NR4A3: variants seen among roughly 807,000 people sequenced by gnomAD.
NR4A3 encodes the protein nuclear receptor subfamily 4 group A member 3.
A neutral mutation model predicts 55.6 loss-of-function variants in NR4A3; 13 were observed. The observed-to-expected ratio is 0.23, with a 90% CI of 0.15 to 0.37. The LOEUF is 0.37. NR4A3 is among the 10% of genes least tolerant of loss of function. The probability of loss-of-function intolerance (pLI) is 1.00; values close to 1 mark genes in which losing one functional copy is unlikely to be tolerated. For synonymous variants in NR4A3, 342 were observed against 357.9 expected, an observed-to-expected ratio of 0.96 and a Z score of 0.50; for missense variants, 646 against 822.8, an observed-to-expected ratio of 0.79 and a Z score of 2.63.
At chr9:99,824,927 C>T (rs889086936) in intron 1 of NR4A3, among the ~76,000 whole-genome samples, 2 of 152,240 alleles carry the variant, frequency 1.3e-5, no homozygotes, top group Non-Finnish European at 2.9e-5. Flanking sequence ...CCCTCGAAGA[C>T]ACCGCCCTCT....
intron 7 of NR4A3, among the ~76,000 whole-genome samples, chr9:99,862,549 CAAAAAAAAAAAAAAAAAAA>C (rs59274273): frequency 3.0e-4 from 22 of 72,810 alleles, no homozygotes; most frequent in Admixed American, 2.7e-3. Flanking sequence ...GACTCTGTCT[CAAAAAAAAAAAAAAAAAAA>C]AAAAAAAAAA....
chr9:99,836,484 G>A (rs905949143), intron 5 of NR4A3, among the ~76,000 whole-genome samples: 5 of 152,178 alleles, frequency 3.3e-5, no homozygotes, highest in Non-Finnish European at 7.3e-5. Flanking sequence ...ACTGTTCTTC[G>A]TGAATTGAGT....
intron 7 of NR4A3, among the ~76,000 whole-genome samples, chr9:99,860,791 T>TA (rs1827997079): frequency 2.0e-5 from 3 of 152,244 alleles, no homozygotes; most frequent in African/African-American, 4.8e-5. Context: ...ACCTTGTAGT[T>TA]ACCAGCCACT....
intron 7 of NR4A3, 26 bp downstream of exon 7, chr9:99,847,641 ATCC>A: frequency 6.2e-7 from 1 of 1,607,404 alleles, no homozygotes. Context: ...CCAAAACCGC[ATCC>A]TCATTTCTCT....
rs1397460033 is a variant in NR4A3, at chr9:99,836,372, G to A, written c.1254+2918G>A. ...CACTCAAAATGAACCAACAAAGAAC[G>A]TGTGTGGTAGAAGGGAGGGATGCCA... On this transcript the variant is annotated intron_variant, in intron 5 of 7. Transcript: ENST00000395097. Among the ~76,000 whole-genome samples the A allele has an allele frequency of 7.9e-5, 12 of 152,212 alleles. No homozygotes were observed. In the South Asian group the frequency reaches 1.2e-3, roughly 16 times the overall value.
chr9:99,846,894 C>T (rs1010769908), intron 6 of NR4A3, among the ~76,000 whole-genome samples: 1 of 152,192 alleles, frequency 6.6e-6, no homozygotes, highest in Admixed American at 6.5e-5. Context: ...ATGATCCACC[C>T]GCCTTGGCCT....
At chr9:99,858,154 A>G (rs1587888827) in intron 7 of NR4A3, among the ~76,000 whole-genome samples, 1 of 152,346 alleles carries the variant, frequency 6.6e-6, no homozygotes, top group East Asian at 1.9e-4. Flanking sequence ...AAAGGGATAG[A>G]TTAGAATGCC....
At position 99,828,103 on chromosome 9, in the gene NR4A3, A is replaced by C. The variant is rs759537106; in HGVS notation, c.61A>C (p.Thr21Pro). ...SPPGSSYAAQTYSSEYTTEIM... is the reference protein window; with the variant it reads ...SPPGSSYAAQPYSSEYTTEIM... ...TCCAGGTTCCAGTTATGCGGCGCAG[A>C]CATACAGCTCGGAATACACCACGGA... The change falls in exon 3 of 8, where the codon ACA becomes CCA. Residue 21 changes from threonine (T) to proline (P), a missense_variant. Physicochemically the swap from Thr to Pro is conservative, Grantham distance 38. This residue lies in a region of NR4A3 where 426 missense variants were observed against 429.4 expected (regional missense o/e 0.99). Transcript: ENST00000395097. The surrounding 1 kb of genome is among the most constrained non-coding windows in gnomAD (Gnocchi z 7.7). The C allele has an allele frequency of 4.3e-6, 7 of 1,613,978 alleles. No homozygotes were observed. The African/African-American group carries it at 6.7e-5, about 15-fold the overall frequency.
chr9:99,861,869 T>G (rs1828013899), intron 7 of NR4A3, among the ~76,000 whole-genome samples: 2 of 152,164 alleles, frequency 1.3e-5, no homozygotes, highest in South Asian at 4.2e-4. Context: ...GGCAGGAGGA[T>G]CACTTGAGCC....
intron 3 of NR4A3, among the ~76,000 whole-genome samples, chr9:99,830,604 G>A (rs1827419761): frequency 6.6e-6 from 1 of 152,170 alleles, no homozygotes; most frequent in Admixed American, 6.5e-5. Flanking sequence ...GGATTATGAT[G>A]TTTTAAATGC....
chr9:99,839,522 A>G (rs1198521766), intron 5 of NR4A3, among the ~76,000 whole-genome samples: 3 of 152,218 alleles, frequency 2.0e-5, no homozygotes, highest in Non-Finnish European at 4.4e-5. Flanking sequence ...GGCCTGGGCT[A>G]TTGCTGAAGT....
rs1828072805 is a variant in NR4A3 at position 99,865,065 on chromosome 9, T to C, written c.*1198T>C. On this transcript the variant is annotated 3_prime_UTR_variant, in exon 8 of 8. Coordinates refer to ENST00000395097, the MANE Select transcript of NR4A3 (RefSeq NM_006981.4). This position sits in a 1 kb window ranked among gnomAD's most constrained non-coding sequence, Gnocchi z 4.3. ...ACTAGGAAGGATTAGTGGGCTGCGT[T>C]TCAACATTCCGTGTTCGTACTCCCT... The C allele has an allele frequency of 9.8e-6, 2 of 203,296 alleles. No individual in the cohort carries two copies. 12.6% of individuals were successfully genotyped at this position (203,296 alleles called of 1,614,324 possible).
In NR4A3 at chr9:99,828,612, C is replaced by T. The variant is rs776164534; in HGVS notation, c.570C>T (p.Leu190=). The T allele has an allele frequency of 3.3e-6, 5 of 1,528,884 alleles. No homozygotes were observed. The highest frequency in any genetic ancestry group is 3.5e-6 in the Non-Finnish European group (4 of 1,148,498). 94.7% of individuals were successfully genotyped at this position (1,528,884 alleles called of 1,614,324 possible). ...CGGTGGCCGGCGCGCGCTTCCCGCT[C>T]TTCCACTTCAAGCCCTCGCCGCCGC... ...VPTVAGARFP[L]FHFKPSPPHP... The change falls in exon 3 of 8, where the codon CTC becomes CTT. Residue 190 remains leucine, a synonymous_variant. Transcript: ENST00000395097. This position sits in a 1 kb window ranked among gnomAD's most constrained non-coding sequence, Gnocchi z 7.7.
intron 5 of NR4A3, among the ~76,000 whole-genome samples, chr9:99,841,833 G>C (rs146975998): frequency 0.013 from 2,055 of 152,264 alleles, 25 homozygotes; most frequent in Non-Finnish European, 0.019. Flanking sequence ...AGATGGGCGT[G>C]GTGGTTCCTG....
In NR4A3 at chr9:99,864,176, CAG is replaced by C. The variant is rs1828054528; in HGVS notation, c.*310_*311del. On this transcript the variant is annotated 3_prime_UTR_variant, in exon 8 of 8. Coordinates refer to ENST00000395097, the MANE Select transcript of NR4A3 (RefSeq NM_006981.4). ...GCACTTTTGGACAATGCTATCCCAGCAGGAAAAAAAAGGATAATATAACTGTT... is the reference window on the plus strand; with the variant it reads ...GCACTTTTGGACAATGCTATCCCAGCGAAAAAAAAGGATAATATAACTGTT... 1 of 300,188 alleles carries C rather than the reference CAG, an allele frequency of 3.3e-6. No individual in the cohort carries two copies. The highest frequency in any genetic ancestry group is 2.1e-5 in the African/African-American group (1 of 47,138). 18.6% of individuals were successfully genotyped at this position (300,188 alleles called of 1,614,324 possible). A position where few individuals can be genotyped will look rare whatever the true frequency, so the allele number is the denominator to read the frequency against.
chr9:99,838,628 T>G (rs1401895917), intron 5 of NR4A3, among the ~76,000 whole-genome samples: 3 of 152,206 alleles, frequency 2.0e-5, no homozygotes, highest in African/African-American at 7.2e-5. Context: ...ACCATAATAT[T>G]AATAACTGCT....
Position 99,853,321 on chromosome 9 carries a change from CT to C in NR4A3, c.1633+5725del, listed in dbSNP as rs71370971. Among the ~76,000 whole-genome samples the C allele has an allele frequency of 8.5e-3, 1,049 of 123,376 alleles. 10 individuals carry two copies. Among genetic ancestry groups the C allele is most frequent in the South Asian group, 0.02 (77 of 3,766 alleles). The allele number at this position is 123,376 out of a possible 152,430, so 80.9% of individuals were successfully genotyped here. A position where few individuals can be genotyped will look rare whatever the true frequency, so the allele number is the denominator to read the frequency against. On this transcript the variant is annotated intron_variant, in intron 7 of 7. Transcript: ENST00000395097. ...ATATACACATTGTGTTAGGGAATTT[CT>C]TTTTTTTTTTTTTTTTTTATTATAC... is the stretch of plus-strand genomic sequence containing the variant.
chr9:99,836,815 A>G (rs1212771570), intron 5 of NR4A3, among the ~76,000 whole-genome samples: 4 of 152,246 alleles, frequency 2.6e-5, no homozygotes, highest in Non-Finnish European at 5.9e-5. Flanking sequence ...ATACTAATTT[A>G]CATTCCCATC....
intron 7 of NR4A3, among the ~76,000 whole-genome samples, chr9:99,851,359 A>G (rs181875189): frequency 2.0e-5 from 3 of 152,330 alleles, no homozygotes; most frequent in East Asian, 3.9e-4. Flanking sequence ...TTGATCATAA[A>G]TGGTGATTGT....
Sources: allele counts gnomAD v4.1 joint callset (sites outside exome capture counted in the v4.1 genomes callset), GRCh38; gene constraint gnomAD v4.1.1; regional missense constraint gnomAD v4.1.1; non-coding constraint Gnocchi (gnomAD v3.1); transcripts MANE v1.5; gene names NCBI Gene and HGNC (gene_info 2026-07-23, HGNC 2026-07-21).